The following SCAPER variants were observed in gnomAD, a reference collection of about 807,000 sequenced individuals.
The protein encoded by SCAPER is S-phase cyclin A associated protein in the ER.
A neutral mutation model predicts 182.2 loss-of-function variants in SCAPER; 98 were observed. The observed-to-expected ratio is 0.54, with a 90% confidence interval of 0.46 to 0.64. The LOEUF (loss-of-function observed/expected upper bound fraction) is 0.64. Among genes scored for constraint, SCAPER ranks in the 30% least tolerant of loss-of-function variants. The pLI, the probability that SCAPER is intolerant of heterozygous loss-of-function variation, is 0.00. For missense variants in SCAPER, 1,432 were observed against 1,690.0 expected, an observed-to-expected ratio of 0.85 and a Z score of 2.68; for synonymous variants, 605 against 564.6, an observed-to-expected ratio of 1.07 and a Z score of -1.01.
intron 21 of SCAPER, among the ~76,000 whole-genome samples, chr15:76,646,862 T>C (rs1597903556): frequency 6.6e-6 from 1 of 152,338 alleles, no homozygotes; most frequent in Non-Finnish European, 1.5e-5. Flanking sequence ...ATCCCACTGC[T>C]TGGAGAAAAA....
Position 76,677,930 on chromosome 15 carries a change from T to C in SCAPER, c.2509-12141A>G, listed in dbSNP as rs1260072952. 2.6e-5 allele frequency among the ~76,000 whole-genome samples: 4 copies of C among 152,042 alleles called. No individual in the cohort carries two copies. In the East Asian group the frequency reaches 7.7e-4, roughly 29 times the overall value. On this transcript the variant is annotated intron_variant, in intron 20 of 31. Transcript: ENST00000563290. ...AAGAATAAAAGTTCTAAAAATAGAA[T>C]AGGCAGGAAATATAAATGACACAAC...
chr15:76,535,479 G>A (rs989302581), intron 23 of SCAPER, among the ~76,000 whole-genome samples: 15 of 119,766 alleles, frequency 1.3e-4, no homozygotes, highest in African/African-American at 4.8e-4. Flanking sequence ...CTGAGATCTC[G>A]CCATTGCACT....
chr15:76,587,444 C>T (rs2048751167), intron 22 of SCAPER, among the ~76,000 whole-genome samples: 1 of 151,970 alleles, frequency 6.6e-6, no homozygotes, highest in Non-Finnish European at 1.5e-5. Context: ...AACAACTTTC[C>T]TCTTTGCTGT....
chr15:76,761,039 T>C (rs1409905935), intron 14 of SCAPER, among the ~76,000 whole-genome samples: 2 of 152,190 alleles, frequency 1.3e-5, no homozygotes, highest in Admixed American at 6.5e-5. Flanking sequence ...GTATTTGTTA[T>C]TGGTCTGTTT....
At chr15:76,795,852 A>T (rs1230919537) in intron 7 of SCAPER, among the ~76,000 whole-genome samples, 1 of 152,182 alleles carries the variant, frequency 6.6e-6, no homozygotes, top group African/African-American at 2.4e-5. Flanking sequence ...ACTTGAGGCC[A>T]AGAGTTCAAA....
intron 22 of SCAPER, among the ~76,000 whole-genome samples, chr15:76,578,046 A>C (rs996758456): frequency 1.3e-5 from 2 of 151,862 alleles, no homozygotes; most frequent in Non-Finnish European, 2.9e-5. Flanking sequence ...CCTTGAGTGA[A>C]CACTGACAGT....
chr15:76,450,660 T>C (rs1402689906), intron 25 of SCAPER, among the ~76,000 whole-genome samples: 1 of 152,166 alleles, frequency 6.6e-6, no homozygotes. Context: ...TTCAAACGAT[T>C]CTCGTGCCTC....
chr15:76,618,552 C>T (rs2051711153), intron 22 of SCAPER, among the ~76,000 whole-genome samples: 1 of 152,000 alleles, frequency 6.6e-6, no homozygotes, highest in Admixed American at 6.6e-5. Flanking sequence ...TTTGTCTTTC[C>T]ATTTATAAAA....
intron 8 of SCAPER, among the ~76,000 whole-genome samples, chr15:76,784,028 T>C (rs1430610829): frequency 1.3e-5 from 2 of 152,210 alleles, no homozygotes; most frequent in South Asian, 2.1e-4. Flanking sequence ...TTGGAAGTTC[T>C]GGCCAGGGCA....
At chr15:76,424,545 A>G (rs994398918) in intron 26 of SCAPER, among the ~76,000 whole-genome samples, 2 of 152,158 alleles carry the variant, frequency 1.3e-5, no homozygotes, top group African/African-American at 4.8e-5. Context: ...TGAATACAGC[A>G]CATTGATGGG....
intron 6 of SCAPER, 129 bp from the exon 7 acceptor site, chr15:76,800,493 C>A: frequency 1.5e-6 from 1 of 673,000 alleles, no homozygotes. Flanking sequence ...AAAGTCACAA[C>A]ATGTGCAAAT....
At chr15:76,724,618 T>C (rs1043289198) in intron 17 of SCAPER, among the ~76,000 whole-genome samples, 1 of 152,140 alleles carries the variant, frequency 6.6e-6, no homozygotes, top group Non-Finnish European at 1.5e-5. Context: ...GGAGGCTTTG[T>C]GTGTTTCTTT....
Position 76,670,095 on chromosome 15 carries a change from T to A in SCAPER, c.2509-4306A>T, listed in dbSNP as rs190784577. Among the ~76,000 whole-genome samples the A allele has an allele frequency of 3.7e-3, 558 of 152,200 alleles. 7 individuals are homozygous for A. Among genetic ancestry groups the A allele is most frequent in the African/African-American group, 0.013 (544 of 41,542 alleles). On this transcript the variant is annotated intron_variant, in intron 20 of 31. Coordinates refer to ENST00000563290, the MANE Select transcript of SCAPER (RefSeq NM_020843.4). ...CATATTAATGTTAATGTTTTTAAAA[T>A]CTCAAACCAGAGACAAATGAGCATG...
At chr15:76,673,996 T>G (rs2057211379) in intron 20 of SCAPER, among the ~76,000 whole-genome samples, 1 of 136,158 alleles carries the variant, frequency 7.3e-6, no homozygotes, top group African/African-American at 2.8e-5. Context: ...CACACCCCAA[T>G]CAGATAACTT....
At chr15:76,626,712 G>C (rs1014592088) in intron 21 of SCAPER, among the ~76,000 whole-genome samples, 1 of 152,224 alleles carries the variant, frequency 6.6e-6, no homozygotes. Flanking sequence ...GAGAGATTCT[G>C]TCTCAAACAA....
At chr15:76,889,773 G>A (rs1455530689) in intron 1 of SCAPER, among the ~76,000 whole-genome samples, 1 of 152,118 alleles carries the variant, frequency 6.6e-6, no homozygotes, top group Non-Finnish European at 1.5e-5. Flanking sequence ...GAGACAGAAG[G>A]TTAACAAGGA....
intron 27 of SCAPER, among the ~76,000 whole-genome samples, chr15:76,391,289 A>T (rs1026127661): frequency 1.3e-5 from 2 of 152,194 alleles, no homozygotes; most frequent in Non-Finnish European, 2.9e-5. Context: ...CTTGACCAAG[A>T]CATTCGGCTA....
intron 24 of SCAPER, among the ~76,000 whole-genome samples, chr15:76,474,028 C>G (rs1425607313): frequency 6.6e-6 from 1 of 152,032 alleles, no homozygotes; most frequent in Non-Finnish European, 1.5e-5. Flanking sequence ...CCAGGCTGGT[C>G]TCGAATTCCT....
At chr15:76,498,871 A>G (rs1164983527) in intron 24 of SCAPER, among the ~76,000 whole-genome samples, 1 of 152,122 alleles carries the variant, frequency 6.6e-6, no homozygotes, top group Non-Finnish European at 1.5e-5. Flanking sequence ...TTTTAAAATT[A>G]TATTTGATGA....
Sources: gnomAD v4.1 joint callset for allele counts (sites outside exome capture counted in the v4.1 genomes callset) on GRCh38, gnomAD v4.1.1 for gene constraint, MANE v1.5 for transcripts, NCBI Gene and HGNC (gene_info 2026-07-23, HGNC 2026-07-21) for gene names.